ZNF423: variants seen among roughly 807,000 people sequenced by gnomAD.
ZNF423 encodes the protein Ebf-associated zinc finger protein.
ZNF423 carries 12 observed loss-of-function variants against 95.8 expected under a neutral mutation model. The observed-to-expected ratio is 0.13, with a 90% CI of 0.08 to 0.20. The LOEUF is 0.20. ZNF423 is among the 10% of genes least tolerant of loss of function. The probability of loss-of-function intolerance (pLI) is 1.00; values close to 1 mark genes in which losing one functional copy is unlikely to be tolerated. For synonymous variants in ZNF423, 749 were observed against 711.9 expected, an observed-to-expected ratio of 1.05 and a Z score of -0.83; for missense variants, 1,316 against 1,737.1, an observed-to-expected ratio of 0.76 and a Z score of 4.31.
chr16:49,754,675 G>A (rs529083609), intron 2 of ZNF423, among the ~76,000 whole-genome samples: 4 of 152,338 alleles, frequency 2.6e-5, no homozygotes, highest in South Asian at 2.1e-4. Flanking sequence ...GCACCAAGCC[G>A]GAGAAGCCGC....
At chr16:49,661,377 T>A (rs2030218021) in intron 3 of ZNF423, among the ~76,000 whole-genome samples, 1 of 152,214 alleles carries the variant, frequency 6.6e-6, no homozygotes, top group Admixed American at 6.5e-5. Context: ...CAGGCATGTG[T>A]GTCTTCCCCA....
intron 7 of ZNF423, among the ~76,000 whole-genome samples, chr16:49,493,470 C>G (rs1009751777): frequency 6.6e-6 from 1 of 152,178 alleles, no homozygotes; most frequent in African/African-American, 2.4e-5. Flanking sequence ...GCCTCCAATC[C>G]CCAGCAGGCA....
intron 5 of ZNF423, among the ~76,000 whole-genome samples, chr16:49,529,804 C>CGG (rs2151717487): frequency 6.6e-6 from 1 of 152,124 alleles, no homozygotes; most frequent in East Asian, 1.9e-4. Flanking sequence ...CGGGCTGCAG[C>CGG]GGGGTGTGGA....
intron 5 of ZNF423, among the ~76,000 whole-genome samples, chr16:49,528,141 CCT>C (rs1968687848): frequency 6.6e-6 from 1 of 152,130 alleles, no homozygotes; most frequent in Non-Finnish European, 1.5e-5. Flanking sequence ...CGAGCGGGGG[CCT>C]TTAACCACTT....
At chr16:49,770,004 C>A (rs997068138) in intron 2 of ZNF423, among the ~76,000 whole-genome samples, 1 of 152,082 alleles carries the variant, frequency 6.6e-6, no homozygotes, top group Admixed American at 6.6e-5. Flanking sequence ...ATCTGGTCAC[C>A]CTGCTGGCCA....
At chr16:49,741,502 G>A (rs1241821812) in intron 2 of ZNF423, among the ~76,000 whole-genome samples, 2 of 134,912 alleles carry the variant, frequency 1.5e-5, no homozygotes, top group Non-Finnish European at 1.7e-5. Context: ...GTAAGACTCT[G>A]TCTCAAAAAA....
At chr16:49,632,688 A>G (rs187397670) in intron 4 of ZNF423, among the ~76,000 whole-genome samples, 116 of 152,268 alleles carry the variant, frequency 7.6e-4, no homozygotes, top group Middle Eastern at 3.4e-3. Context: ...CCTCTTTACC[A>G]AAACACAGGC....
chr16:49,505,504 A>AT (rs959393200), intron 7 of ZNF423, among the ~76,000 whole-genome samples: 17 of 152,086 alleles, frequency 1.1e-4, no homozygotes, highest in African/African-American at 3.9e-4. Flanking sequence ...ACCCCCAAGA[A>AT]TGGCCCCCAG....
chr16:49,700,212 A>AC (rs58879382), intron 3 of ZNF423, among the ~76,000 whole-genome samples: 10,120 of 128,064 alleles, frequency 0.079, 287 homozygotes, highest in Non-Finnish European at 0.12. Context: ...AAAAAAAAAA[A>AC]AAAAACAAGA....
intron 3 of ZNF423, among the ~76,000 whole-genome samples, chr16:49,692,181 C>T (rs956596765): frequency 1.4e-4 from 22 of 152,220 alleles, no homozygotes; most frequent in Admixed American, 1.0e-3. Context: ...TCTCAAACTC[C>T]TGGGTTCAAG....
chr16:49,535,170 C>T (rs540141545), intron 5 of ZNF423, among the ~76,000 whole-genome samples: 2 of 152,268 alleles, frequency 1.3e-5, no homozygotes, highest in Non-Finnish European at 2.9e-5. Context: ...GCCCAAAAAC[C>T]GCAGAGATCG....
chr16:49,765,151 G>T (rs758176470), intron 2 of ZNF423, among the ~76,000 whole-genome samples: 1 of 152,068 alleles, frequency 6.6e-6, no homozygotes, highest in Non-Finnish European at 1.5e-5. Context: ...ACATAGAGAA[G>T]TAACCCCATG....
At position 49,849,727 on chromosome 16, in the gene ZNF423, C is replaced by A. The variant is rs533327378; in HGVS notation, c.40+6008G>T. On this transcript the variant is annotated intron_variant, in intron 1 of 7. Transcript: ENST00000563137. Reference sequence around the variant, plus strand: ...AAAGAAAACGAAACAACAACCACAACAACAAAGGGAAATTATATCTTTAAA... The same window carrying A: ...AAAGAAAACGAAACAACAACCACAAAAACAAAGGGAAATTATATCTTTAAA... Among the ~76,000 whole-genome samples, 3 of 152,144 alleles carry A rather than the reference C, an allele frequency of 2.0e-5. No homozygotes were observed. In the East Asian group the frequency reaches 5.8e-4, roughly 29 times the overall value.
intron 5 of ZNF423, among the ~76,000 whole-genome samples, chr16:49,602,377 C>G (rs531004883): frequency 2.0e-5 from 3 of 152,190 alleles, no homozygotes; most frequent in Non-Finnish European, 4.4e-5. Flanking sequence ...AGAGTTTCAC[C>G]GTAGAAGATG....
At chr16:49,632,311 C>CA (rs1040275151) in intron 4 of ZNF423, among the ~76,000 whole-genome samples, 12 of 152,310 alleles carry the variant, frequency 7.9e-5, no homozygotes, top group African/African-American at 2.9e-4. Context: ...TGCCAGCCCC[C>CA]AAGCCCCTGT....
rs533813684 is a variant in ZNF423 at position 49,855,464 on chromosome 16, G to A, written c.40+271C>T. On this transcript the variant is annotated intron_variant, in intron 1 of 7. Coordinates refer to ENST00000563137, the MANE Select transcript of ZNF423 (RefSeq NM_001379286.1). This position sits in a 1 kb window ranked among gnomAD's most constrained non-coding sequence, Gnocchi z 4.7. Reference sequence around the variant, plus strand: ...GCCCCCAGGCCTGGGTCCCCCAAGGGCGACGGCGCCGAGTCCGGGCAGGGA... The same window carrying A: ...GCCCCCAGGCCTGGGTCCCCCAAGGACGACGGCGCCGAGTCCGGGCAGGGA... 5.1e-4 allele frequency among the ~76,000 whole-genome samples: 77 copies of A among 151,312 alleles called. 1 individual carries two copies. The highest frequency in any genetic ancestry group is 1.8e-3 in the African/African-American group (75 of 41,282).
At chr16:49,815,799 A>G (rs1218178124) in intron 1 of ZNF423, among the ~76,000 whole-genome samples, 1 of 148,578 alleles carries the variant, frequency 6.7e-6, no homozygotes, top group Non-Finnish European at 1.5e-5. Flanking sequence ...TGCTTTGAAG[A>G]ACAGCTAGAA....
intron 1 of ZNF423, among the ~76,000 whole-genome samples, chr16:49,790,312 G>T (rs1362730059): frequency 6.6e-6 from 1 of 152,232 alleles, no homozygotes. Context: ...AAGCCACCAT[G>T]AACCACCCAG....
chr16:49,782,588 C>G (rs1280309833), intron 2 of ZNF423, among the ~76,000 whole-genome samples: 1 of 152,212 alleles, frequency 6.6e-6, no homozygotes, highest in Non-Finnish European at 1.5e-5. Flanking sequence ...GTCACCATGC[C>G]AGAAATAAAC....
Sources: allele counts gnomAD v4.1 joint callset (sites outside exome capture counted in the v4.1 genomes callset), GRCh38; gene constraint gnomAD v4.1.1; non-coding constraint Gnocchi (gnomAD v3.1); transcripts MANE v1.5; gene names NCBI Gene and HGNC (gene_info 2026-07-23, HGNC 2026-07-21).